The following RP1 variants were observed in gnomAD, a reference collection of about 807,000 sequenced individuals.
The protein encoded by RP1 is oxygen-regulated protein 1.
RP1 carries 16 observed loss-of-function variants against 14.8 expected under a neutral mutation model. The observed-to-expected ratio is 1.08, with a 90% CI of 0.73 to 1.65. The LOEUF is 1.65. Among genes scored for constraint, RP1 ranks in the 40% most tolerant of loss-of-function variants. The pLI is 0.00. For synonymous variants in RP1, 876 were observed against 883.6 expected, an observed-to-expected ratio of 0.99 and a Z score of 0.15; for missense variants, 2,631 against 2,535.0, an observed-to-expected ratio of 1.04 and a Z score of -0.81.
At chr8:54,661,306 G>T (rs62514621) in intron 6 of RP1, among the ~76,000 whole-genome samples, 6 of 79,286 alleles carry the variant, frequency 7.6e-5, no homozygotes, top group South Asian at 3.7e-4. Context: ...ATATATATGA[G>T]ATATATATAT....
At chr8:54,609,498 A>C (rs1276933426) in intron 1 of RP1, among the ~76,000 whole-genome samples, 2 of 152,082 alleles carry the variant, frequency 1.3e-5, no homozygotes, top group Non-Finnish European at 2.9e-5. Context: ...ACACAACAAC[A>C]AAAAAAGAGA....
rs775770828 is a variant in RP1 at position 54,627,348 on chromosome 8, A to T, written c.3466A>T (p.Lys1156Ter). The T allele has an allele frequency of 2.0e-5, 33 of 1,614,062 alleles. No individual in the cohort carries two copies. Among genetic ancestry groups the T allele is most frequent in the Non-Finnish European group, 5.9e-6 (7 of 1,179,982 alleles). ...AGTTGATGCTCACAAGGCTACCAAC[A>T]AATCTTCAGAAACACTTGCATTGTT... ...CQVDAHKATN[K>*]SSETLALLEI... Residue 1156 changes from lysine (K) to a stop codon, truncating the protein, a stop_gained, in exon 4 of 4, where the codon AAA becomes TAA. Transcript: ENST00000220676. LOFTEE classifies it low-confidence loss of function (END_TRUNC).
intron 1 of RP1, among the ~76,000 whole-genome samples, chr8:54,581,098 G>A (rs1804781847): frequency 6.6e-6 from 1 of 152,034 alleles, no homozygotes; most frequent in Non-Finnish European, 1.5e-5. Flanking sequence ...TTGGTGTGCT[G>A]CACCCATTAA....
intron 8 of RP1, among the ~76,000 whole-genome samples, chr8:54,677,305 G>T (rs1331721418): frequency 6.6e-6 from 1 of 152,050 alleles, no homozygotes; most frequent in Admixed American, 6.6e-5. Flanking sequence ...TGGTGATGCA[G>T]ATGCATGCTA....
At chr8:54,833,336 G>A (rs1811577875) in intron 24 of RP1, among the ~76,000 whole-genome samples, 2 of 151,858 alleles carry the variant, frequency 1.3e-5, no homozygotes, top group African/African-American at 4.8e-5. Context: ...CAAGGGTAAG[G>A]TCTTTTCTCC....
Position 54,629,438 on chromosome 8 carries a change from A to G in RP1, c.5556A>G (p.Thr1852=). ...CAKERIANHH[T]EEKGSHQSER... is the part of the protein sequence containing the mutation. ...AGGAAAGAATAGCAAATCATCATAC[A>G]GAGGAGAAGGGTAGTCATCAGTCAG... Residue 1852 remains threonine (T), a synonymous_variant, in exon 4 of 4, where the codon ACA becomes ACG. Coordinates refer to ENST00000220676, the MANE Select transcript of RP1 (RefSeq NM_006269.2). 2.5e-6 allele frequency: 4 copies of G among 1,614,196 alleles called. No individual in the cohort carries two copies. Among genetic ancestry groups the G allele is most frequent in the Non-Finnish European group, 3.4e-6 (4 of 1,180,006 alleles).
chr8:54,739,053 C>T, intron 19 of RP1: 1 of 1,484,426 alleles, frequency 6.7e-7, no homozygotes, highest in Non-Finnish European at 9.0e-7. Flanking sequence ...TTATTTTTTT[C>T]TTCATAGTTA....
At chr8:54,779,596 G>A (rs375932897) in intron 23 of RP1, among the ~76,000 whole-genome samples, 1 of 152,198 alleles carries the variant, frequency 6.6e-6, no homozygotes, top group East Asian at 1.9e-4. Context: ...AGAAAAAAAT[G>A]TTATGATCTA....
At chr8:54,676,956 G>A (rs1340193405) in intron 8 of RP1, among the ~76,000 whole-genome samples, 2 of 152,004 alleles carry the variant, frequency 1.3e-5, no homozygotes, top group African/African-American at 4.8e-5. Flanking sequence ...TTTTTTCCAG[G>A]TGGAGAGAAT....
intron 1 of RP1, among the ~76,000 whole-genome samples, chr8:54,592,867 G>A (rs1054924337): frequency 4.0e-4 from 61 of 152,144 alleles, no homozygotes; most frequent in African/African-American, 1.3e-3. Flanking sequence ...AGCTGTGTCT[G>A]TTCCTCTTAT....
chr8:54,788,982 T>C (rs923289425), intron 24 of RP1, among the ~76,000 whole-genome samples: 17 of 152,182 alleles, frequency 1.1e-4, no homozygotes, highest in African/African-American at 3.9e-4. Context: ...CAGGCTGGCA[T>C]GGCATCATAC....
intron 24 of RP1, among the ~76,000 whole-genome samples, chr8:54,806,547 T>G (rs906281172): frequency 6.6e-6 from 1 of 152,198 alleles, no homozygotes; most frequent in African/African-American, 2.4e-5. Context: ...TGTCATTTTT[T>G]TCAACTCCCA....
At chr8:54,587,704 T>C (rs1404110483) in intron 1 of RP1, among the ~76,000 whole-genome samples, 1 of 152,182 alleles carries the variant, frequency 6.6e-6, no homozygotes, top group Admixed American at 6.5e-5. Flanking sequence ...GACTCTTGGG[T>C]CATCTAAAAT....
intron 17 of RP1, among the ~76,000 whole-genome samples, chr8:54,733,271 T>C (rs756413784): frequency 1.3e-5 from 2 of 152,140 alleles, no homozygotes; most frequent in African/African-American, 4.8e-5. Context: ...ACTCACCTTA[T>C]GAGTTTGGAA....
intron 15 of RP1, among the ~76,000 whole-genome samples, chr8:54,711,230 A>G (rs1808288085): frequency 6.6e-6 from 1 of 152,200 alleles, no homozygotes; most frequent in East Asian, 1.9e-4. Context: ...TTCCTGGCCT[A>G]CATCATACTG....
At chr8:54,580,300 CTTTTT>C (rs906806636) in intron 1 of RP1, among the ~76,000 whole-genome samples, 2 of 80,176 alleles carry the variant, frequency 2.5e-5, no homozygotes, top group African/African-American at 9.6e-5. Flanking sequence ...TCGTAGACTT[CTTTTT>C]TTTTTTTTTT....
intron 21 of RP1, among the ~76,000 whole-genome samples, chr8:54,756,207 C>T (rs1432645339): frequency 1.3e-5 from 2 of 152,166 alleles, no homozygotes; most frequent in African/African-American, 4.8e-5. Flanking sequence ...GTGTTATTTT[C>T]ACACCTAAGC....
At chr8:54,642,081 T>C (rs979065765) in intron 3 of RP1, among the ~76,000 whole-genome samples, 2 of 152,216 alleles carry the variant, frequency 1.3e-5, no homozygotes, top group African/African-American at 4.8e-5. Flanking sequence ...GCATCACTTA[T>C]AGATCATTAA....
exon 16 of RP1, chr8:54,720,218 G>T (rs1808502194): frequency 1.3e-6 from 2 of 1,535,926 alleles, no homozygotes; most frequent in East Asian, 2.4e-5. Flanking sequence ...GCCCAGGATT[G>T]TTTGTTGGAC....
Sources: gnomAD v4.1 joint callset for allele counts (sites outside exome capture counted in the v4.1 genomes callset) on GRCh38, gnomAD v4.1.1 for gene constraint, MANE v1.5 for transcripts, NCBI Gene and HGNC (gene_info 2026-07-23, HGNC 2026-07-21) for gene names.